Variants in LINGO2 observed in about 807,000 individuals in gnomAD.
LINGO2 encodes leucine-rich repeat and immunoglobulin-like domain-containing nogo receptor-interacting protein 2.
LINGO2 carries 14 observed loss-of-function variants against 30.6 expected under a neutral mutation model. That is an observed-to-expected ratio of 0.46 (90% CI 0.30 to 0.72). LINGO2 has a LOEUF of 0.72. Among genes scored for constraint, LINGO2 ranks in the 30% least tolerant of loss-of-function variants. The pLI, the probability that LINGO2 is intolerant of heterozygous loss-of-function variation, is 0.07. For missense variants in LINGO2, 729 were observed against 751.7 expected (o/e 0.97, Z 0.35); for synonymous variants, 317 against 288.5 (o/e 1.10, Z -1.00).
the LINGO2 span, among the ~76,000 whole-genome samples, chr9:28,879,783 G>A: frequency 6.6e-6 from 1 of 151,922 alleles, no homozygotes; most frequent in African/African-American, 2.4e-5. Context: ...AAGTATTGTT[G>A]GACTTGGGAA....
chr9:28,185,915 A>G (rs1819524142), intron 4 of LINGO2, among the ~76,000 whole-genome samples: 1 of 152,164 alleles, frequency 6.6e-6, no homozygotes, highest in Admixed American at 6.6e-5. Flanking sequence ...AAAGGGGATA[A>G]AAGGCTTCTG....
At chr9:29,032,752 T>C in the LINGO2 span, among the ~76,000 whole-genome samples, 3 of 152,154 alleles carry the variant, frequency 2.0e-5, no homozygotes, top group Admixed American at 6.5e-5. Context: ...TCTATATCAA[T>C]TGTAATAAAA....
At chr9:29,143,204 T>C in the LINGO2 span, among the ~76,000 whole-genome samples, 1 of 152,108 alleles carries the variant, frequency 6.6e-6, no homozygotes, top group African/African-American at 2.4e-5. Context: ...CTAGTGTTTA[T>C]GGATGGGAAG....
intron 1 of LINGO2, among the ~76,000 whole-genome samples, chr9:28,506,772 A>G (rs1181516037): frequency 6.6e-6 from 1 of 151,530 alleles, no homozygotes; most frequent in East Asian, 1.9e-4. Context: ...TACCATAATT[A>G]TTGCCAGGTG....
the LINGO2 span, among the ~76,000 whole-genome samples, chr9:28,864,104 T>C: frequency 6.6e-6 from 1 of 152,126 alleles, no homozygotes; most frequent in African/African-American, 2.4e-5. Context: ...AGTATATAAG[T>C]GTTGCTGGGA....
chr9:29,053,236 T>A, the LINGO2 span, among the ~76,000 whole-genome samples: 1 of 152,188 alleles, frequency 6.6e-6, no homozygotes, highest in South Asian at 2.1e-4. Context: ...TTAATCCCCT[T>A]CAGCCTGAGA....
At chr9:28,847,406 C>T in the LINGO2 span, among the ~76,000 whole-genome samples, 6 of 147,364 alleles carry the variant, frequency 4.1e-5, no homozygotes, top group Admixed American at 4.1e-4. Flanking sequence ...ACAGGAATCA[C>T]AGGGTTTAAT....
intron 2 of LINGO2, among the ~76,000 whole-genome samples, chr9:28,463,637 C>A (rs1473734974): frequency 1.3e-5 from 2 of 151,958 alleles, no homozygotes; most frequent in Non-Finnish European, 2.9e-5. Flanking sequence ...CTTACACAGA[C>A]AAATATGTGT....
the LINGO2 span, among the ~76,000 whole-genome samples, chr9:28,894,689 GAC>G: frequency 4.0e-5 from 6 of 151,666 alleles, no homozygotes; most frequent in Non-Finnish European, 4.4e-5. Flanking sequence ...TTGTTGATAT[GAC>G]AGAGTGTAAA....
intron 4 of LINGO2, among the ~76,000 whole-genome samples, chr9:28,205,952 G>A (rs1820393929): frequency 6.6e-6 from 1 of 152,060 alleles, no homozygotes; most frequent in African/African-American, 2.4e-5. Flanking sequence ...GGAGGCCGAA[G>A]TGGGCAGTTC....
chr9:28,982,292 T>C, the LINGO2 span, among the ~76,000 whole-genome samples: 3 of 152,178 alleles, frequency 2.0e-5, no homozygotes, highest in African/African-American at 7.2e-5. Context: ...AAATAAACCA[T>C]CATTTAAGTC....
At chr9:28,986,438 C>A in the LINGO2 span, among the ~76,000 whole-genome samples, 3 of 151,992 alleles carry the variant, frequency 2.0e-5, no homozygotes, top group South Asian at 4.1e-4. Flanking sequence ...ACAAAAACTA[C>A]ATTCAATCTG....
intron 4 of LINGO2, among the ~76,000 whole-genome samples, chr9:28,222,852 T>C (rs1821014064): frequency 6.6e-6 from 1 of 152,154 alleles, no homozygotes; most frequent in African/African-American, 2.4e-5. Context: ...GGCGATTACA[T>C]ACAGCTTTAA....
At chr9:28,044,049 GTT>G (rs769589912) in intron 4 of LINGO2, among the ~76,000 whole-genome samples, 3 of 152,174 alleles carry the variant, frequency 2.0e-5, no homozygotes, top group Non-Finnish European at 4.4e-5. Flanking sequence ...TGTACTAGCA[GTT>G]TTAGATCTGT....
At chr9:28,118,412 G>GAAAATAA (rs1252964493) in intron 4 of LINGO2, among the ~76,000 whole-genome samples, 1 of 152,090 alleles carries the variant, frequency 6.6e-6, no homozygotes, top group African/African-American at 2.4e-5. Context: ...ATAATGCCAG[G>GAAAATAA]TTTTCATCAA....
At chr9:28,185,016 TATGGGC>T (rs1170878474) in intron 4 of LINGO2, among the ~76,000 whole-genome samples, 2 of 152,300 alleles carry the variant, frequency 1.3e-5, no homozygotes, top group East Asian at 3.9e-4. Context: ...GAGCTGGATT[TATGGGC>T]AGGTGAAGTA....
In LINGO2 at chr9:28,631,309, C is replaced by A. The variant is rs116468201; in HGVS notation, c.-365+38891G>T. ...TATCCCCCAATGCCATACCTCCCCC[C>A]ACCCCCACCCCATGACAGGCTCCGG... On this transcript the variant is annotated intron_variant, in intron 1 of 5. Coordinates refer to ENST00000379992, the Ensembl canonical transcript of LINGO2. 3.4e-4 allele frequency among the ~76,000 whole-genome samples: 51 copies of A among 150,994 alleles called. 1 individual carries two copies. The highest frequency in any genetic ancestry group is 1.2e-3 in the African/African-American group (49 of 41,070).
chr9:28,474,875 A>G (rs1478930720), intron 2 of LINGO2, among the ~76,000 whole-genome samples: 1 of 152,224 alleles, frequency 6.6e-6, no homozygotes, highest in African/African-American at 2.4e-5. Context: ...GAAAAATGTT[A>G]TATAAATGAG....
chr9:29,014,666 G>A, the LINGO2 span, among the ~76,000 whole-genome samples: 4 of 152,140 alleles, frequency 2.6e-5, no homozygotes, highest in Non-Finnish European at 1.5e-5. Flanking sequence ...TTATTTGTGT[G>A]ATTTACACAA....
Sources: allele counts gnomAD v4.1 joint callset (sites outside exome capture counted in the v4.1 genomes callset), GRCh38; gene constraint gnomAD v4.1.1; transcripts MANE v1.5; gene names NCBI Gene and HGNC (gene_info 2026-07-23, HGNC 2026-07-21).